ATP13A5: variants seen among roughly 807,000 people sequenced by gnomAD.
ATP13A5 encodes ATPase 13A5, also known as probable cation-transporting ATPase 13A5.
ATP13A5 carries 149 observed loss-of-function variants against 150.2 expected under a neutral mutation model. The observed-to-expected ratio is 0.99, with a 90% CI of 0.87 to 1.14. The LOEUF (loss-of-function observed/expected upper bound fraction) is 1.14, where lower values mean the gene tolerates loss of function less well. ATP13A5 is among the 50% of genes most tolerant of loss of function. The pLI is 0.00. For missense variants in ATP13A5, 1,383 were observed against 1,449.3 expected, an observed-to-expected ratio of 0.95 and a Z score of 0.74; for synonymous variants, 497 against 522.2, an observed-to-expected ratio of 0.95 and a Z score of 0.66.
At chr3:193,297,788 C>T (rs1718232637) in intron 25 of ATP13A5, among the ~76,000 whole-genome samples, 1 of 152,032 alleles carries the variant, frequency 6.6e-6, no homozygotes, top group Non-Finnish European at 1.5e-5. Context: ...GCCCCATTAC[C>T]ACATAACTAA....
intron 23 of ATP13A5, among the ~76,000 whole-genome samples, chr3:193,303,455 G>A (rs776057347): frequency 6.6e-6 from 1 of 152,060 alleles, no homozygotes; most frequent in East Asian, 1.9e-4. Context: ...AATTTTGTGT[G>A]TGTATGTGTG....
chr3:193,370,694 A>C (rs1008058159), intron 1 of ATP13A5, among the ~76,000 whole-genome samples: 12 of 152,310 alleles, frequency 7.9e-5, no homozygotes, highest in African/African-American at 2.6e-4. Flanking sequence ...TGACAATAAG[A>C]ACTAATTGAG....
chr3:193,319,807 G>T (rs575117268), intron 16 of ATP13A5, among the ~76,000 whole-genome samples: 8 of 152,314 alleles, frequency 5.3e-5, no homozygotes, highest in African/African-American at 1.9e-4. Context: ...GCTAAATCTG[G>T]TCTATAGCTT....
At chr3:193,285,143 A>G in intron 26 of ATP13A5, 27 bp from the exon 27 acceptor site, 1 of 1,584,734 alleles carries the variant, frequency 6.3e-7, no homozygotes, top group Non-Finnish European at 8.6e-7. Flanking sequence ...AGTGTTTATG[A>G]AACATTTGAT....
intron 27 of ATP13A5, among the ~76,000 whole-genome samples, chr3:193,280,782 A>C (rs184846237): frequency 6.6e-6 from 1 of 152,196 alleles, no homozygotes; most frequent in South Asian, 2.1e-4. Context: ...CAGCATTGCC[A>C]TGATACAAAT....
intron 5 of ATP13A5, among the ~76,000 whole-genome samples, chr3:193,362,127 AC>A (rs1323268972): frequency 6.6e-6 from 1 of 152,244 alleles, no homozygotes; most frequent in Non-Finnish European, 1.5e-5. Context: ...AAATAAAAAA[AC>A]AACACAAAGA....
chr3:193,275,025 TACG>T lies in ATP13A5; in HGVS notation c.*14_*16del. ...GAAAAAAGCAATGCTGTTGAGCATG[TACG>T]ACGACAATTCTGATTACAGCCTGGC... On this transcript the variant is annotated 3_prime_UTR_variant, in exon 30 of 30. Transcript: ENST00000342358. 6.2e-7 allele frequency: 1 copy of T among 1,613,640 alleles called. No individual in the cohort carries two copies. The highest frequency in any genetic ancestry group is 1.1e-5 in the South Asian group (1 of 91,032).
intron 24 of ATP13A5, 29 bp from the exon 25 acceptor site, chr3:193,299,232 T>TG: frequency 6.5e-7 from 1 of 1,546,190 alleles, no homozygotes; most frequent in South Asian, 1.1e-5. Context: ...CAAATATAAA[T>TG]GTGGCATCTG....
At chr3:193,378,589 T>C in intron 1 of ATP13A5, 74 bp downstream of exon 1, 1 of 1,291,286 alleles carries the variant, frequency 7.7e-7, no homozygotes, top group South Asian at 1.2e-5. Flanking sequence ...CACTCTATTT[T>C]CTAATTCAGC....
At chr3:193,330,214 C>T (rs936686194) in intron 12 of ATP13A5, among the ~76,000 whole-genome samples, 5 of 152,236 alleles carry the variant, frequency 3.3e-5, no homozygotes, top group South Asian at 2.1e-4. Flanking sequence ...AACTGTGCCC[C>T]GCGCTTTCCT....
In ATP13A5 at chr3:193,363,037, A is replaced by G. The variant is rs376029211; in HGVS notation, c.384+199T>C. On this transcript the variant is annotated intron_variant, in intron 3 of 29. Transcript: ENST00000342358. ...GGCTGGTCTCAAACTCCTGGGCTCA[A>G]GGGATCCGCCCACATTGGCCTCCCA... is the stretch of plus-strand genomic sequence containing the variant. 3.3e-5 allele frequency among the ~76,000 whole-genome samples: 5 copies of G among 152,234 alleles called. No individual in the cohort carries two copies. The South Asian group carries it at 1.0e-3, about 32-fold the overall frequency.
chr3:193,314,827 T>G, intron 18 of ATP13A5, 145 bp downstream of exon 18: 1 of 1,013,028 alleles, frequency 9.9e-7, no homozygotes, highest in Non-Finnish European at 1.4e-6. Context: ...CTGCACATGT[T>G]TTTAGGTAAG....
chr3:193,319,025 T>C lies in ATP13A5; in HGVS notation c.1999A>G (p.Met667Val). The C allele has an allele frequency of 6.2e-7, 1 of 1,613,836 alleles. No individual in the cohort carries two copies. The highest frequency in any genetic ancestry group is 8.5e-7 in the Non-Finnish European group (1 of 1,179,804). Residue 667 changes from methionine to valine, a missense_variant, in exon 17 of 30, where the codon ATG becomes GTG. This residue lies in a region of ATP13A5 where 28 missense variants were observed against 55.9 expected (regional missense o/e 0.50). Coordinates refer to ENST00000342358, the MANE Select transcript of ATP13A5 (RefSeq NM_198505.4). ...VIALAHKTLK[M>V]GNLSEVEHLA... ...TGCTCGACTTCTGAAAGATTCCCCA[T>C]CTTTAAGGTTTTGTGGGCAAGAGCA...
Position 193,335,088 on chromosome 3 carries a change from G to T in ATP13A5, c.955C>A (p.Pro319Thr). 6.2e-7 allele frequency: 1 copy of T among 1,613,632 alleles called. No homozygotes were observed. The highest frequency in any genetic ancestry group is 8.5e-7 in the Non-Finnish European group (1 of 1,179,640). The change falls in exon 10 of 30, where the codon CCT (proline) becomes ACT (threonine). Residue 319 changes from proline (P) to threonine (T), a missense_variant. Physicochemically the swap from Pro to Thr is conservative, Grantham distance 38. Coordinates refer to ENST00000342358, the MANE Select transcript of ATP13A5 (RefSeq NM_198505.4). ...NEGMLTGESIPVTKTPLPQME... is the reference protein window; with the variant it reads ...NEGMLTGESITVTKTPLPQME... ...TGGGGCAATGGTGTCTTTGTAACAG[G>T]TATACTTTCTCCTAAAGAGGATTGT...
At chr3:193,373,452 AT>A (rs10708831) in intron 1 of ATP13A5, among the ~76,000 whole-genome samples, 140,573 of 151,784 alleles carry the variant, frequency 0.93, 65,198 homozygotes, top group African/African-American at 0.97. Context: ...GCAATTCTTG[AT>A]TTTTTTTTTA....
chr3:193,279,396 A>G lies in ATP13A5; in HGVS notation c.3285T>C (p.Ser1095=), dbSNP rs1717377382. The G allele has an allele frequency of 1.5e-5, 24 of 1,613,852 alleles. No individual in the cohort carries two copies. Among genetic ancestry groups the G allele is most frequent in the East Asian group, 2.2e-5 (1 of 44,858 alleles). ...TTCCACGGTATATAACTTGAAAGTCAGAAAACAGAATGAAAATTGTGAGGC... is the reference window on the plus strand; with the variant it reads ...TTCCACGGTATATAACTTGAAAGTCGGAAAACAGAATGAAAATTGTGAGGC... ...ALGLTIFILF[S]DFQVIYRGME... is the part of the protein sequence containing the mutation. Residue 1095 remains serine, a synonymous_variant, in exon 28 of 30, where the codon TCT becomes TCC. Transcript: ENST00000342358.
At chr3:193,376,363 A>T (rs1713643786) in intron 1 of ATP13A5, among the ~76,000 whole-genome samples, 1 of 151,984 alleles carries the variant, frequency 6.6e-6, no homozygotes, top group South Asian at 2.1e-4. Flanking sequence ...GACAAGGGAG[A>T]TCTCTAGGTT....
chr3:193,336,437 T>C (rs1711866927), intron 9 of ATP13A5, among the ~76,000 whole-genome samples: 1 of 152,272 alleles, frequency 6.6e-6, no homozygotes, highest in South Asian at 2.1e-4. Context: ...CCTTCCTGTG[T>C]CCAAGTGTTC....
At chr3:193,310,384 C>T (rs187356311) in intron 21 of ATP13A5, among the ~76,000 whole-genome samples, 1 of 152,166 alleles carries the variant, frequency 6.6e-6, no homozygotes, top group African/African-American at 2.4e-5. Flanking sequence ...GGTATATAGC[C>T]AGCATTGGGG....
Sources: allele counts gnomAD v4.1 joint callset (sites outside exome capture counted in the v4.1 genomes callset), GRCh38; gene constraint gnomAD v4.1.1; regional missense constraint gnomAD v4.1.1; transcripts MANE v1.5; gene names NCBI Gene and HGNC (gene_info 2026-07-23, HGNC 2026-07-21).